Variants in EML6 observed in about 807,000 individuals in gnomAD.
EML6 encodes EMAP like 6.
Under a neutral mutation model 240.1 loss-of-function variants are expected in EML6, and 154 were observed. The ratio of observed to expected loss-of-function variants is 0.64; its 90% CI spans 0.56 to 0.73. EML6 has a LOEUF of 0.73. Ranked by LOEUF, EML6 falls within the 30% of genes least tolerant of loss-of-function variation. The probability of loss-of-function intolerance (pLI) is 0.00; values close to 1 mark genes in which losing one functional copy is unlikely to be tolerated. For synonymous variants in EML6, 1,148 were observed against 899.0 expected (o/e 1.28, Z -4.95); for missense variants, 2,964 against 2,474.6 (o/e 1.20, Z -4.20).
At chr2:54,800,579 A>T (rs935753039) in intron 2 of EML6, among the ~76,000 whole-genome samples, 28 of 152,176 alleles carry the variant, frequency 1.8e-4, no homozygotes, top group African/African-American at 6.5e-4. Flanking sequence ...TGGCTCAAAG[A>T]TATAACGGCA....
At chr2:54,793,909 G>T (rs1403295766) in intron 2 of EML6, among the ~76,000 whole-genome samples, 1 of 152,128 alleles carries the variant, frequency 6.6e-6, no homozygotes, top group Non-Finnish European at 1.5e-5. Flanking sequence ...CTAGGAGACA[G>T]TTCTCCTTCT....
chr2:54,733,572 C>G (rs1044520334), intron 2 of EML6, among the ~76,000 whole-genome samples: 1 of 152,284 alleles, frequency 6.6e-6, no homozygotes, highest in South Asian at 2.1e-4. Context: ...CAGGGATTCA[C>G]GTCTCTGCTT....
At position 54,971,864 on chromosome 2, in the gene EML6, T is replaced by C. The variant is rs1677033258; in HGVS notation, c.*1769T>C. 1.3e-5 allele frequency: 2 copies of C among 152,260 alleles called. No homozygotes were observed. Among genetic ancestry groups the C allele is most frequent in the South Asian group, 4.1e-4 (2 of 4,838 alleles). 9.4% of individuals were successfully genotyped at this position (152,260 alleles called of 1,614,324 possible). The stretch of plus-strand genomic sequence containing the variant: ...CCGTGTGTCATGAAAAACTTATTTG[T>C]AAACGTTTATATGGTATGATTTTGA... On this transcript the variant is annotated 3_prime_UTR_variant, in exon 42 of 42. Coordinates refer to ENST00000356458, the MANE Select transcript of EML6 (RefSeq NM_001039753.4).
Position 54,799,995 on chromosome 2 carries a change from G to C in EML6, c.198-13237G>C, listed in dbSNP as rs953931249. ...GTGTGGTGGCTCACGCCTGTAATCT[G>C]AGCAATTTGAGAGGCTTGAGGCAGG... is the stretch of plus-strand genomic sequence containing the variant. On this transcript the variant is annotated intron_variant, in intron 2 of 41. Transcript: ENST00000356458. Among the ~76,000 whole-genome samples the C allele has an allele frequency of 3.3e-5, 5 of 152,016 alleles. No homozygotes were observed. The East Asian group carries it at 9.7e-4, about 29-fold the overall frequency.
At chr2:54,815,128 GGAAAATCCAGCTTT>G (rs1299917427) in intron 3 of EML6, among the ~76,000 whole-genome samples, 2 of 152,204 alleles carry the variant, frequency 1.3e-5, no homozygotes, top group African/African-American at 4.8e-5. Context: ...ATGCAGCAGA[GGAAAATCCAGCTTT>G]AAAAATCCAG....
chr2:54,887,007 C>A (rs1192594045), intron 17 of EML6, among the ~76,000 whole-genome samples: 1 of 152,182 alleles, frequency 6.6e-6, no homozygotes. Context: ...AAAAGCCATA[C>A]TGCTTTTTAT....
chr2:54,968,518 C>G, intron 40 of EML6, 150 bp from the exon 41 acceptor site: 1 of 671,458 alleles, frequency 1.5e-6, no homozygotes, highest in Non-Finnish European at 2.6e-6. Flanking sequence ...GAAAGTCAGC[C>G]AAAGGCTGGC....
chr2:54,968,121 G>T lies in EML6; in HGVS notation c.5598-7G>T. ...TTCTATCCTAACCCCTCTTTCTGTT[G>T]GAACAGCGTCCTGGGAGATGAAGTC... is the stretch of plus-strand genomic sequence containing the variant. On this transcript the variant is annotated splice_region_variant and splice_polypyrimidine_tract_variant and intron_variant, in intron 39 of 41. Coordinates refer to ENST00000356458, the MANE Select transcript of EML6 (RefSeq NM_001039753.4). 6.4e-7 allele frequency: 1 copy of T among 1,550,620 alleles called. No homozygotes were observed. The highest frequency in any genetic ancestry group is 1.2e-5 in the South Asian group (1 of 84,020).
chr2:54,879,952 G>T (rs993028379), intron 17 of EML6: 5 of 238,470 alleles, frequency 2.1e-5, no homozygotes, highest in African/African-American at 1.1e-4. Flanking sequence ...TCTCAGGCTG[G>T]TGCCTTGCCC....
Position 54,725,316 on chromosome 2 carries a change from G to A in EML6, c.197+58G>A. On this transcript the variant is annotated intron_variant, in intron 2 of 41. Transcript: ENST00000356458. This position sits in a 1 kb window ranked among gnomAD's most constrained non-coding sequence, Gnocchi z 4.3. ...TTGCGTGTGGAGGCTGGGAAGGTGGGAAGCGGTTGACCTGGGGTCGGATCC... is the reference window on the plus strand; with the variant it reads ...TTGCGTGTGGAGGCTGGGAAGGTGGAAAGCGGTTGACCTGGGGTCGGATCC... The A allele has an allele frequency of 7.7e-7, 1 of 1,307,166 alleles. No individual in the cohort carries two copies. The highest frequency in any genetic ancestry group is 3.1e-5 in the East Asian group (1 of 32,472). The allele number at this position is 1,307,166 out of a possible 1,614,324, so 81.0% of individuals were successfully genotyped here. A position where few individuals can be genotyped will look rare whatever the true frequency, so the allele number is the denominator to read the frequency against.
chr2:54,907,777 C>T (rs940740835), intron 24 of EML6, among the ~76,000 whole-genome samples: 1 of 152,100 alleles, frequency 6.6e-6, no homozygotes, highest in Non-Finnish European at 1.5e-5. Flanking sequence ...AAATGTGATT[C>T]TGAAAGGATT....
intron 28 of EML6, among the ~76,000 whole-genome samples, chr2:54,944,596 T>A (rs1360042680): frequency 6.6e-6 from 1 of 152,150 alleles, no homozygotes; most frequent in Non-Finnish European, 1.5e-5. Context: ...AACTTTGTAT[T>A]CACCTAAAAT....
intron 2 of EML6, among the ~76,000 whole-genome samples, chr2:54,805,003 T>G (rs566460466): frequency 1.3e-5 from 2 of 152,214 alleles, no homozygotes; most frequent in African/African-American, 2.4e-5. Flanking sequence ...TTTTTATTTT[T>G]GGGATTGTCA....
intron 5 of EML6, among the ~76,000 whole-genome samples, chr2:54,823,844 CAT>C (rs1668442687): frequency 6.8e-6 from 1 of 147,914 alleles, no homozygotes; most frequent in Non-Finnish European, 1.5e-5. Context: ...AATATTCATT[CAT>C]TCATTCTCTC....
chr2:54,873,885 G>A (rs1245904622), intron 16 of EML6, among the ~76,000 whole-genome samples: 1 of 147,122 alleles, frequency 6.8e-6, no homozygotes, highest in Non-Finnish European at 1.5e-5. Context: ...TGACAAGTAT[G>A]AAGATTGTAT....
At chr2:54,808,362 C>G (rs935808566) in intron 2 of EML6, among the ~76,000 whole-genome samples, 1 of 152,196 alleles carries the variant, frequency 6.6e-6, no homozygotes, top group Admixed American at 6.5e-5. Context: ...GTCACTCCCC[C>G]TTCAATCCCC....
intron 5 of EML6, among the ~76,000 whole-genome samples, chr2:54,821,599 G>T (rs889725913): frequency 4.6e-5 from 7 of 151,960 alleles, no homozygotes; most frequent in African/African-American, 9.7e-5. Context: ...TTGGGATAAA[G>T]AATCATGAAG....
intron 2 of EML6, among the ~76,000 whole-genome samples, chr2:54,784,399 C>G (rs1387834782): frequency 6.6e-6 from 1 of 151,932 alleles, no homozygotes; most frequent in South Asian, 2.1e-4. Flanking sequence ...ACTAATAAAC[C>G]TTTTGCAACT....
intron 9 of EML6, among the ~76,000 whole-genome samples, chr2:54,848,454 G>C (rs556132188): frequency 1.3e-4 from 19 of 151,094 alleles, no homozygotes; most frequent in African/African-American, 4.4e-4. Flanking sequence ...TTCTTTCTCT[G>C]CTTAGTGACG....
Sources: allele counts gnomAD v4.1 joint callset (sites outside exome capture counted in the v4.1 genomes callset), GRCh38; gene constraint gnomAD v4.1.1; non-coding constraint Gnocchi (gnomAD v3.1); transcripts MANE v1.5; gene names NCBI Gene and HGNC (gene_info 2026-07-23, HGNC 2026-07-21).